The following RAB38 variants were observed in gnomAD, a reference collection of about 807,000 sequenced individuals.
The protein encoded by RAB38 is ras-related protein Rab-38.
Under a neutral mutation model 18.4 loss-of-function variants are expected in RAB38, and 15 were observed. The ratio of observed to expected loss-of-function variants is 0.82; its 90% CI spans 0.55 to 1.26. The LOEUF (loss-of-function observed/expected upper bound fraction) is 1.26. Ranked by LOEUF, RAB38 falls within the 50% of genes most tolerant of loss-of-function variation. The pLI is 0.00. For synonymous variants in RAB38, 101 were observed against 104.4 expected, an observed-to-expected ratio of 0.97 and a Z score of 0.20; for missense variants, 294 against 267.4, an observed-to-expected ratio of 1.10 and a Z score of -0.69.
chr11:88,091,867 A>G, the RAB38 span, among the ~76,000 whole-genome samples: 1 of 151,860 alleles, frequency 6.6e-6, no homozygotes, highest in African/African-American at 2.4e-5. Context: ...CCAATTTATG[A>G]GCTCTTGGCA....
chr11:87,943,432 G>A, the RAB38 span, among the ~76,000 whole-genome samples: 1 of 152,030 alleles, frequency 6.6e-6, no homozygotes, highest in African/African-American at 2.4e-5. Context: ...ATCATCCTCA[G>A]GTTACCACCC....
chr11:88,033,377 T>G, the RAB38 span, among the ~76,000 whole-genome samples: 4 of 109,912 alleles, frequency 3.6e-5, no homozygotes, highest in Admixed American at 2.0e-4. Context: ...TAAAGTACAA[T>G]AATAATAAAA....
chr11:88,038,070 T>A, the RAB38 span, among the ~76,000 whole-genome samples: 1 of 152,182 alleles, frequency 6.6e-6, no homozygotes, highest in Non-Finnish European at 1.5e-5. Context: ...GAGTTGCCTT[T>A]TTATTATATT....
chr11:87,869,129 A>T, the RAB38 span, among the ~76,000 whole-genome samples: 2,510 of 151,748 alleles, frequency 0.017, 65 homozygotes, highest in African/African-American at 0.057. Context: ...TTTAAATGTC[A>T]CTATCATCAT....
chr11:88,115,858 T>A (rs1942543807), intron 2 of RAB38: 2 of 152,214 alleles, frequency 1.3e-5, no homozygotes, highest in African/African-American at 4.8e-5. Context: ...TTAATCCCAT[T>A]TAACACCCTT....
At chr11:88,094,064 C>T in the RAB38 span, among the ~76,000 whole-genome samples, 2 of 151,812 alleles carry the variant, frequency 1.3e-5, no homozygotes, top group African/African-American at 4.8e-5. Flanking sequence ...TGGGCAGAAT[C>T]TTCATTTTAC....
chr11:87,907,484 G>T, the RAB38 span, among the ~76,000 whole-genome samples: 7 of 151,422 alleles, frequency 4.6e-5, no homozygotes, highest in African/African-American at 1.5e-4. Context: ...TCACATTGAG[G>T]TTTAATTTAT....
chr11:87,953,458 T>C, the RAB38 span, among the ~76,000 whole-genome samples: 2 of 152,218 alleles, frequency 1.3e-5, no homozygotes, highest in Non-Finnish European at 2.9e-5. Context: ...TAGCTACTTA[T>C]ATTTAACTGT....
the RAB38 span, among the ~76,000 whole-genome samples, chr11:87,845,539 C>A: frequency 0.25 from 37,731 of 151,724 alleles, 5,856 homozygotes; most frequent in African/African-American, 0.44. Context: ...GCCTCTGGTA[C>A]GTAGGGGATG....
chr11:88,111,098 T>C (rs1405917234), downstream of RAB38, among the ~76,000 whole-genome samples: 1 of 152,234 alleles, frequency 6.6e-6, no homozygotes, highest in Non-Finnish European at 1.5e-5. Flanking sequence ...CCATAATTAA[T>C]ATTCATCATT....
the RAB38 span, among the ~76,000 whole-genome samples, chr11:87,962,073 C>A: frequency 6.6e-6 from 1 of 152,160 alleles, no homozygotes; most frequent in Admixed American, 6.6e-5. Flanking sequence ...ATGTTTGTTA[C>A]TAGCACTACA....
chr11:87,880,948 A>T, the RAB38 span, among the ~76,000 whole-genome samples: 2 of 151,862 alleles, frequency 1.3e-5, no homozygotes, highest in Non-Finnish European at 2.9e-5. Flanking sequence ...AGTATCAACT[A>T]GTGCTGAGTG....
chr11:88,174,087 T>C (rs1370774201), intron 1 of RAB38: 1 of 985,272 alleles, frequency 1.0e-6, no homozygotes, highest in Admixed American at 6.1e-5. Flanking sequence ...GTTGTTCCCA[T>C]GGAGAATCCC....
At chr11:88,090,117 G>C in the RAB38 span, among the ~76,000 whole-genome samples, 1 of 151,916 alleles carries the variant, frequency 6.6e-6, no homozygotes, top group African/African-American at 2.4e-5. Flanking sequence ...ATAAAAGCCT[G>C]AACACAAGGG....
At chr11:87,836,236 C>G in the RAB38 span, among the ~76,000 whole-genome samples, 1 of 152,122 alleles carries the variant, frequency 6.6e-6, no homozygotes, top group African/African-American at 2.4e-5. Flanking sequence ...ACCTCTGAAA[C>G]ACTCCACTGA....
the RAB38 span, among the ~76,000 whole-genome samples, chr11:87,886,714 C>T: frequency 1.3e-5 from 2 of 151,814 alleles, no homozygotes; most frequent in Middle Eastern, 3.2e-3. Flanking sequence ...TACTATTATT[C>T]ACTTTCAATA....
the RAB38 span, among the ~76,000 whole-genome samples, chr11:87,878,222 T>TATATATATATACAC: frequency 0.023 from 2,635 of 116,122 alleles, 131 homozygotes; most frequent in Admixed American, 0.069. Context: ...TATATATATA[T>TATATATATATACAC]ACACACATAT....
At chr11:87,977,019 ACATTATACAAG>A in the RAB38 span, among the ~76,000 whole-genome samples, 153 of 10,822 alleles carry the variant, frequency 0.014, 62 homozygotes, top group East Asian at 0.25. Flanking sequence ...AAATATAATT[ACATTATACAAG>A]TATATTATAA....
chr11:87,933,935 G>C, the RAB38 span, among the ~76,000 whole-genome samples: 2 of 152,096 alleles, frequency 1.3e-5, no homozygotes, highest in Non-Finnish European at 2.9e-5. Context: ...TGGCAGAAAG[G>C]CATCATGAAG....
Sources: allele counts gnomAD v4.1 joint callset (sites outside exome capture counted in the v4.1 genomes callset), GRCh38; gene constraint gnomAD v4.1.1; transcripts MANE v1.5; gene names NCBI Gene and HGNC (gene_info 2026-07-23, HGNC 2026-07-21).